PRKAR2B: variants seen among roughly 807,000 people sequenced by gnomAD.
PRKAR2B encodes the protein cAMP-dependent protein kinase type II-beta regulatory subunit.
PRKAR2B carries 14 observed loss-of-function variants against 49.9 expected under a neutral mutation model. The ratio of observed to expected loss-of-function variants is 0.28; its 90% confidence interval spans 0.19 to 0.44. The LOEUF (loss-of-function observed/expected upper bound fraction) is 0.44. Among genes scored for constraint, PRKAR2B ranks in the 20% least tolerant of loss-of-function variants. The pLI, the probability that PRKAR2B is intolerant of heterozygous loss-of-function variation, is 1.00. For missense variants in PRKAR2B, 393 were observed against 537.9 expected, an observed-to-expected ratio of 0.73 and a Z score of 2.67; for synonymous variants, 196 against 197.7, an observed-to-expected ratio of 0.99 and a Z score of 0.07.
At chr7:107,146,663 C>G (rs2115654903) in intron 6 of PRKAR2B, among the ~76,000 whole-genome samples, 1 of 152,338 alleles carries the variant, frequency 6.6e-6, no homozygotes, top group Non-Finnish European at 1.5e-5. Context: ...CTCCTCCAGT[C>G]CAGTCAGGAG....
At chr7:107,134,412 GT>G (rs1562867285) in intron 4 of PRKAR2B, among the ~76,000 whole-genome samples, 1 of 152,182 alleles carries the variant, frequency 6.6e-6, no homozygotes, top group East Asian at 1.9e-4. Context: ...CATCAGCATT[GT>G]TTATACAAGT....
intron 3 of PRKAR2B, 48 bp from the exon 4 acceptor site, chr7:107,128,164 G>A: frequency 8.5e-7 from 1 of 1,174,636 alleles, no homozygotes; most frequent in Admixed American, 1.8e-5. Flanking sequence ...CTTTGAGTGA[G>A]ATGGTATTGG....
intron 1 of PRKAR2B, among the ~76,000 whole-genome samples, chr7:107,053,542 G>GTA (rs1202610056): frequency 6.6e-6 from 1 of 151,294 alleles, no homozygotes; most frequent in Non-Finnish European, 1.5e-5. Context: ...GTGTGTGTGT[G>GTA]TGTGTGTGTG....
chr7:107,128,836 T>G (rs1795546911), intron 4 of PRKAR2B: 1 of 148,800 alleles, frequency 6.7e-6, no homozygotes, highest in African/African-American at 2.5e-5. Context: ...AAATCTCTAA[T>G]TTTTGGGTTC....
At chr7:107,065,441 T>C (rs1053818658) in intron 1 of PRKAR2B, among the ~76,000 whole-genome samples, 9 of 151,654 alleles carry the variant, frequency 5.9e-5, no homozygotes, top group African/African-American at 2.2e-4. Flanking sequence ...CTCCCAGGAG[T>C]ATGCTCAGAG....
chr7:107,070,394 A>G lies in PRKAR2B; in HGVS notation c.343+78A>G, dbSNP rs75861058. Reference sequence around the variant, plus strand: ...TGATAATATTGGACAAGAAGGTACAAAGAATAATTGCTGTATAGTAAACCT... The same window carrying G: ...TGATAATATTGGACAAGAAGGTACAGAGAATAATTGCTGTATAGTAAACCT... On this transcript the variant is annotated intron_variant, in intron 2 of 10. Coordinates refer to ENST00000265717, the MANE Select transcript of PRKAR2B (RefSeq NM_002736.3). The G allele has an allele frequency of 1.2e-3, 1,480 of 1,263,522 alleles. 33 individuals carry two copies. In the East Asian group the frequency reaches 0.03, roughly 26 times the overall value. The allele number at this position is 1,263,522 out of a possible 1,614,324, so 78.3% of individuals were successfully genotyped here.
At chr7:107,144,358 T>C (rs1795849155) in intron 5 of PRKAR2B, among the ~76,000 whole-genome samples, 1 of 152,130 alleles carries the variant, frequency 6.6e-6, no homozygotes, top group Non-Finnish European at 1.5e-5. Context: ...AGTTCTGGGA[T>C]TACAGGCGTG....
At chr7:107,153,322 T>C in intron 8 of PRKAR2B, 71 bp downstream of exon 8, 2 of 1,100,140 alleles carry the variant, frequency 1.8e-6, no homozygotes, top group Admixed American at 4.9e-5. Flanking sequence ...TAGATCTTGA[T>C]AAACTTTTCA....
At chr7:107,059,852 G>A (rs375429901) in intron 1 of PRKAR2B, among the ~76,000 whole-genome samples, 2 of 152,162 alleles carry the variant, frequency 1.3e-5, no homozygotes, top group East Asian at 3.9e-4. Context: ...ATACTTCTAA[G>A]ATTTTCTTTG....
chr7:107,148,696 G>C (rs1795935669), intron 6 of PRKAR2B, among the ~76,000 whole-genome samples: 2 of 152,142 alleles, frequency 1.3e-5, no homozygotes, highest in African/African-American at 2.4e-5. Flanking sequence ...CAACAGACTG[G>C]AGGTCTGCCT....
intron 2 of PRKAR2B, among the ~76,000 whole-genome samples, chr7:107,107,832 ATTC>A (rs1380462937): frequency 1.3e-5 from 2 of 152,040 alleles, no homozygotes; most frequent in Non-Finnish European, 2.9e-5. Context: ...TAATTTTTGT[ATTC>A]TTAGTAGAGA....
At chr7:107,054,024 A>G (rs192050209) in intron 1 of PRKAR2B, among the ~76,000 whole-genome samples, 10 of 152,332 alleles carry the variant, frequency 6.6e-5, no homozygotes, top group Admixed American at 5.9e-4. Flanking sequence ...AAGAAAGGCA[A>G]TTCTTTTGTA....
At chr7:107,103,524 C>G (rs1389122314) in intron 2 of PRKAR2B, among the ~76,000 whole-genome samples, 4 of 152,202 alleles carry the variant, frequency 2.6e-5, no homozygotes, top group African/African-American at 7.2e-5. Flanking sequence ...TGCAGGAAGT[C>G]TAGAAGCTCA....
chr7:107,051,020 T>A (rs956239216), intron 1 of PRKAR2B, among the ~76,000 whole-genome samples: 4 of 152,182 alleles, frequency 2.6e-5, no homozygotes, highest in Admixed American at 2.6e-4. Context: ...CATCCTTTTG[T>A]CAGAGATGGC....
intron 1 of PRKAR2B, among the ~76,000 whole-genome samples, chr7:107,052,273 G>A (rs554263359): frequency 6.6e-6 from 1 of 152,216 alleles, no homozygotes; most frequent in African/African-American, 2.4e-5. Flanking sequence ...ACAAAAATTA[G>A]CTGGGCGTGG....
rs886334395 is a variant in PRKAR2B at position 107,107,906 on chromosome 7, T to A, written c.344-14046T>A. Among the ~76,000 whole-genome samples the A allele has an allele frequency of 9.2e-5, 14 of 152,012 alleles. No individual in the cohort carries two copies. In the South Asian group the frequency reaches 1.5e-3, roughly 16 times the overall value. On this transcript the variant is annotated intron_variant, in intron 2 of 10. Coordinates refer to ENST00000265717, the MANE Select transcript of PRKAR2B (RefSeq NM_002736.3). Reference sequence around the variant, plus strand: ...CTCTTGACCTCGGGATCTGCCTGCCTTGGCCTCCCAAAGTGTTGGGATTAC... The same window carrying A: ...CTCTTGACCTCGGGATCTGCCTGCCATGGCCTCCCAAAGTGTTGGGATTAC...
intron 4 of PRKAR2B, among the ~76,000 whole-genome samples, chr7:107,129,306 T>G (rs1253438347): frequency 6.6e-6 from 1 of 152,194 alleles, no homozygotes; most frequent in Non-Finnish European, 1.5e-5. Flanking sequence ...AGATTTATGT[T>G]AGGCCCACAC....
intron 6 of PRKAR2B, among the ~76,000 whole-genome samples, chr7:107,149,622 A>G (rs1436965015): frequency 2.0e-5 from 3 of 152,076 alleles, no homozygotes; most frequent in Non-Finnish European, 4.4e-5. Context: ...ACCTAATACT[A>G]TCCTGGGTGA....
chr7:107,151,698 G>A (rs1402515299), intron 7 of PRKAR2B, among the ~76,000 whole-genome samples: 3 of 152,298 alleles, frequency 2.0e-5, no homozygotes, highest in South Asian at 4.1e-4. Context: ...ACAGTCACCT[G>A]GCAGCACAGT....
Sources: gnomAD v4.1 joint callset for allele counts (sites outside exome capture counted in the v4.1 genomes callset) on GRCh38, gnomAD v4.1.1 for gene constraint, MANE v1.5 for transcripts, NCBI Gene and HGNC (gene_info 2026-07-23, HGNC 2026-07-21) for gene names.